The following AP1M2 variants were observed in gnomAD, a reference collection of about 807,000 sequenced individuals.
AP1M2 encodes adaptor related protein complex 1 subunit mu 2, also known as AP-1 complex subunit mu-2.
Under a neutral mutation model 54.6 loss-of-function variants are expected in AP1M2, and 41 were observed. That is an observed-to-expected ratio of 0.75 (90% CI 0.59 to 0.97). The LOEUF (loss-of-function observed/expected upper bound fraction) is 0.97, where lower values mean the gene tolerates loss of function less well. Ranked by LOEUF, AP1M2 falls within the 50% of genes least tolerant of loss-of-function variation. AP1M2 has a pLI of 0.00. For synonymous variants in AP1M2, 219 were observed against 215.9 expected (o/e 1.01, Z -0.13); for missense variants, 507 against 561.2 (o/e 0.90, Z 0.98).
intron 6 of AP1M2, 145 bp downstream of exon 6, chr19:10,581,121 C>CAATG: frequency 8.2e-7 from 1 of 1,216,320 alleles, no homozygotes; most frequent in Non-Finnish European, 1.1e-6. Context: ...TGCAGTCAGC[C>CAATG]AATGGCTGCA....
chr19:10,573,746 C>T (rs1380062466), intron 11 of AP1M2, among the ~76,000 whole-genome samples: 7 of 149,616 alleles, frequency 4.7e-5, no homozygotes, highest in African/African-American at 1.7e-4. Flanking sequence ...ACTACAGCCT[C>T]GACCTCCTGG....
intron 9 of AP1M2, among the ~76,000 whole-genome samples, chr19:10,576,920 C>A (rs1302627677): frequency 3.3e-5 from 5 of 151,728 alleles, no homozygotes; most frequent in Non-Finnish European, 5.9e-5. Context: ...TCTATGTTAG[C>A]CAGGCTGGGA....
chr19:10,577,004 G>A (rs1337360847), intron 9 of AP1M2, among the ~76,000 whole-genome samples, 194 bp downstream of exon 9: 2 of 152,108 alleles, frequency 1.3e-5, no homozygotes, highest in Admixed American at 6.6e-5. Context: ...TGTTCCCCAG[G>A]CTGGTCTCCA....
In AP1M2 at chr19:10,572,874, CAG is replaced by C. The variant is rs3217392; in HGVS notation, c.*190_*191del. On this transcript the variant is annotated 3_prime_UTR_variant, in exon 12 of 12. Coordinates refer to ENST00000250244, the MANE Select transcript of AP1M2 (RefSeq NM_005498.5). Reference sequence around the variant, plus strand: ...GGGAAAGCTCCAAGGGCGAGGGAAGCAGAGAGAGTTTCTCTCCCAGCCTATGG... The same window carrying C: ...GGGAAAGCTCCAAGGGCGAGGGAAGCAGAGAGTTTCTCTCCCAGCCTATGG... The C allele has an allele frequency of 0.18, 93,928 of 532,942 alleles. 9,479 individuals carry two copies. Among genetic ancestry groups the C allele is most frequent in the Admixed American group, 0.28 (8,962 of 31,916 alleles). 33.0% of individuals were successfully genotyped at this position (532,942 alleles called of 1,614,324 possible). A position where few individuals can be genotyped will look rare whatever the true frequency, so the allele number is the denominator to read the frequency against.
In AP1M2 at chr19:10,578,900, T is replaced by C; in HGVS notation, c.880A>G (p.Met294Val). Residue 294 changes from methionine (M) to valine (V), a missense_variant, in exon 8 of 12, where the codon ATG becomes GTG. Physicochemically the swap from Met to Val is conservative, Grantham distance 21 (BLOSUM62 1). Coordinates refer to ENST00000250244, the MANE Select transcript of AP1M2 (RefSeq NM_005498.5). ...ATTCCCCCAAGGCCCACCTTGACCA[T>C]GATCTCCACGCGGCTGTGGGAGAAC... ...EKFSHSRVEI[M>V]VKAKGQFKKQ... 6.2e-7 allele frequency: 1 copy of C among 1,606,052 alleles called. No homozygotes were observed. Among genetic ancestry groups the C allele is most frequent in the African/African-American group, 1.3e-5 (1 of 74,668 alleles).
intron 2 of AP1M2, 79 bp downstream of exon 2, chr19:10,583,835 C>T (rs1204722402): frequency 2.4e-5 from 36 of 1,523,408 alleles, no homozygotes; most frequent in Non-Finnish European, 3.1e-5. Context: ...GTCCTCAGCC[C>T]ACCCTCTCTT....
chr19:10,587,018 C>A (rs530731522), intron 1 of AP1M2, 172 bp downstream of exon 1: 17 of 652,272 alleles, frequency 2.6e-5, no homozygotes, highest in Non-Finnish European at 3.9e-5. Flanking sequence ...AGGAGGCGAA[C>A]CCCTTGGCCT....
At chr19:10,575,524 C>T (rs974718657) in intron 9 of AP1M2, among the ~76,000 whole-genome samples, 3 of 152,060 alleles carry the variant, frequency 2.0e-5, no homozygotes, top group African/African-American at 7.2e-5. Flanking sequence ...GCAAACTGAG[C>T]CTCCTTAAGT....
At chr19:10,580,467 C>G (rs925464547) in intron 6 of AP1M2, among the ~76,000 whole-genome samples, 1 of 152,014 alleles carries the variant, frequency 6.6e-6, no homozygotes, top group Non-Finnish European at 1.5e-5. Context: ...CGAGACCATC[C>G]TGGCCAACAT....
At position 10,581,315 on chromosome 19, in the gene AP1M2, T is replaced by C. The variant is rs771532994; in HGVS notation, c.624A>G (p.Pro208=). The C allele has an allele frequency of 1.9e-6, 3 of 1,613,808 alleles. No homozygotes were observed. In the African/African-American group the frequency reaches 4.0e-5, roughly 22 times the overall value. Reference sequence around the variant, plus strand: ...GGTCATTGAGGCCCAGCCGCAGCTCTGGCATTCCTGACAGAAACACCTTGA... The same window carrying C: ...GGTCATTGAGGCCCAGCCGCAGCTCCGGCATTCCTGACAGAAACACCTTGA... ...IKLKVFLSGM[P]ELRLGLNDRV... Residue 208 remains proline, a synonymous_variant, in exon 6 of 12, where the codon CCA becomes CCG. Transcript: ENST00000250244.
rs139171149 is a variant in AP1M2, at chr19:10,582,450, C to G, written c.268-572G>C. 1.7e-4 allele frequency among the ~76,000 whole-genome samples: 26 copies of G among 152,076 alleles called. No homozygotes were observed. In the South Asian group the frequency reaches 5.4e-3, roughly 32 times the overall value. On this transcript the variant is annotated intron_variant, in intron 3 of 11. Coordinates refer to ENST00000250244, the MANE Select transcript of AP1M2 (RefSeq NM_005498.5). The stretch of plus-strand genomic sequence containing the variant: ...CCAGCCTGCGTAACAGAATAAGCCC[C>G]TGTCTCAAAAAGAAAAAAGGCCGGG...
At chr19:10,582,506 T>C (rs750023065) in intron 3 of AP1M2, among the ~76,000 whole-genome samples, 2 of 150,574 alleles carry the variant, frequency 1.3e-5, no homozygotes, top group Non-Finnish European at 2.9e-5. Flanking sequence ...ATCCCAACAA[T>C]GGGAGGCCAA....
chr19:10,583,774 A>ACCTGCC, intron 2 of AP1M2, 101 bp from the exon 3 acceptor site: 1 of 1,483,022 alleles, frequency 6.7e-7, no homozygotes, highest in Non-Finnish European at 9.2e-7. Context: ...CCTCATCTCT[A>ACCTGCC]CCTGCCCCTG....
rs762011394 is a variant in AP1M2, at chr19:10,581,541, G to T, written c.492C>A (p.Ile164=). The T allele has an allele frequency of 6.2e-7, 1 of 1,613,828 alleles. No individual in the cohort carries two copies. Among genetic ancestry groups the T allele is most frequent in the Non-Finnish European group, 8.5e-7 (1 of 1,179,836 alleles). Reference sequence around the variant, plus strand: ...TGAAGACCTCGTTCTTCTTATACTTGATACCCTCGGAGCGCCAGGACACAG... The same window carrying T: ...TGAAGACCTCGTTCTTCTTATACTTTATACCCTCGGAGCGCCAGGACACAG... The part of the protein sequence containing the change: ...TNAVSWRSEG[I]KYKKNEVFID... Residue 164 remains isoleucine, a synonymous_variant, in exon 5 of 12, where the codon ATC becomes ATA. Transcript: ENST00000250244.
At position 10,583,971 on chromosome 19, in the gene AP1M2, G is replaced by A. The variant is rs556698616; in HGVS notation, c.142C>T (p.Pro48Ser). 6.2e-7 allele frequency: 1 copy of A among 1,604,698 alleles called. No individual in the cohort carries two copies. Among genetic ancestry groups the A allele is most frequent in the South Asian group, 1.1e-5 (1 of 89,372 alleles). Residue 48 changes from proline to serine, a missense_variant, in exon 2 of 12, where the codon CCG (proline) becomes TCG (serine). By Grantham distance (74) the Pro-to-Ser change is moderately conservative (BLOSUM62 -1). Transcript: ENST00000250244. ...VQREEEGALA[P>S]LLSHGQVHFL... ...TGGACCTGGCCGTGGCTCAGCAGCG[G>A]GGCCAGGGCGCCTTCCTCCTCCCGC...
At position 10,578,154 on chromosome 19, in the gene AP1M2, G is replaced by C. The variant is rs183935473; in HGVS notation, c.888+738C>G. Among the ~76,000 whole-genome samples the C allele has an allele frequency of 1.7e-4, 26 of 152,326 alleles. No homozygotes were observed. In the East Asian group the frequency reaches 4.6e-3, roughly 27 times the overall value. ...CTGAGTTCTAACAGTTGTTGGCTGT[G>C]TATCTGCAGGCAAATGCCTTAACTT... On this transcript the variant is annotated intron_variant, in intron 8 of 11. Coordinates refer to ENST00000250244, the MANE Select transcript of AP1M2 (RefSeq NM_005498.5).
At chr19:10,580,249 C>T (rs1917395384) in intron 6 of AP1M2, among the ~76,000 whole-genome samples, 1 of 150,558 alleles carries the variant, frequency 6.6e-6, no homozygotes, top group Non-Finnish European at 1.5e-5. Context: ...CGGGGTTTCT[C>T]CATGTTGGTC....
At chr19:10,579,155 G>A (rs1036690327) in intron 7 of AP1M2, among the ~76,000 whole-genome samples, 192 bp from the exon 8 acceptor site, 9 of 151,198 alleles carry the variant, frequency 6.0e-5, no homozygotes, top group East Asian at 2.0e-4. Context: ...GGTGGCTCAC[G>A]CCTGTAATCC....
rs761478533 is a variant in AP1M2, at chr19:10,574,960, G to A, written c.1117C>T (p.Arg373Trp). The change falls in exon 10 of 12, where the codon CGG (arginine) becomes TGG (tryptophan). Residue 373 changes from arginine to tryptophan, a missense_variant. Arg to Trp is a moderately radical substitution (Grantham distance 101, BLOSUM62 -3). Coordinates refer to ENST00000250244, the MANE Select transcript of AP1M2 (RefSeq NM_005498.5). ...TCAAACTTGACCCCGATGGGGGGCCGGCCCTCCACCTCTTCCTTTTCCACA... is the reference window on the plus strand; with the variant it reads ...TCAAACTTGACCCCGATGGGGGGCCAGCCCTCCACCTCTTCCTTTTCCACA... Reference protein sequence around the residue: ...PSVEKEEVEGRPPIGVKFEIP... With the variant: ...PSVEKEEVEGWPPIGVKFEIP... 1.3e-5 allele frequency: 21 copies of A among 1,589,792 alleles called. No individual in the cohort carries two copies. The East Asian group carries it at 2.1e-4, about 16-fold the overall frequency.
Sources: allele counts gnomAD v4.1 joint callset (sites outside exome capture counted in the v4.1 genomes callset), GRCh38; gene constraint gnomAD v4.1.1; transcripts MANE v1.5; gene names NCBI Gene and HGNC (gene_info 2026-07-23, HGNC 2026-07-21).